Variants in CASZ1 observed in about 807,000 individuals in gnomAD.
CASZ1 encodes castor zinc finger 1.
A neutral mutation model predicts 135.2 loss-of-function variants in CASZ1; 28 were observed. That is an observed-to-expected ratio of 0.21 (90% CI 0.15 to 0.28). The LOEUF is 0.28. Ranked by LOEUF, CASZ1 falls within the 10% of genes least tolerant of loss-of-function variation. The pLI is 1.00. For synonymous variants in CASZ1, 1,068 were observed against 1,073.4 expected, an observed-to-expected ratio of 0.99 and a Z score of 0.10; for missense variants, 2,161 against 2,453.3, an observed-to-expected ratio of 0.88 and a Z score of 2.52.
intron 2 of CASZ1, among the ~76,000 whole-genome samples, chr1:10,750,073 C>A (rs991927769): frequency 2.0e-5 from 3 of 152,144 alleles, no homozygotes; most frequent in Non-Finnish European, 4.4e-5. Flanking sequence ...GCATGACGAA[C>A]TGGCAGGGGC....
At chr1:10,732,365 A>C (rs935649453) in intron 2 of CASZ1, among the ~76,000 whole-genome samples, 6 of 151,654 alleles carry the variant, frequency 4.0e-5, no homozygotes, top group African/African-American at 1.5e-4. Flanking sequence ...ATTCCACACA[A>C]ACCAAAACTT....
rs1220301224 is a variant in CASZ1 at position 10,762,198 on chromosome 1, G to A, written c.-233-1341C>T. Among the ~76,000 whole-genome samples, 1 of 150,958 alleles carries A rather than the reference G, an allele frequency of 6.6e-6. No homozygotes were observed. The highest frequency in any genetic ancestry group is 1.5e-5 in the Non-Finnish European group (1 of 67,652). The stretch of plus-strand genomic sequence containing the variant: ...ATCAGCTCTGCCCTACCTCGGCTGG[G>A]GCAATGCCACCGAGACCAGCTCCCT... On this transcript the variant is annotated intron_variant, in intron 1 of 20. Transcript: ENST00000377022. The surrounding 1 kb of genome is among the most constrained non-coding windows in gnomAD (Gnocchi z 4.1).
chr1:10,657,241 G>A lies in CASZ1; in HGVS notation c.1410-505C>T, dbSNP rs540138571. Among the ~76,000 whole-genome samples, 1 of 152,350 alleles carries A rather than the reference G, an allele frequency of 6.6e-6. No homozygotes were observed. Among genetic ancestry groups the A allele is most frequent in the East Asian group, 1.9e-4 (1 of 5,180 alleles). The stretch of plus-strand genomic sequence containing the variant: ...CATCTGTTTGGCTTCCTACAGCAAC[G>A]AGCTCACTCTCCAGCCGCCGCCGCC... On this transcript the variant is annotated intron_variant, in intron 7 of 20. Coordinates refer to ENST00000377022, the MANE Select transcript of CASZ1 (RefSeq NM_001079843.3). This position sits in a 1 kb window ranked among gnomAD's most constrained non-coding sequence, Gnocchi z 5.7.
intron 20 of CASZ1, among the ~76,000 whole-genome samples, chr1:10,641,383 C>T (rs924999971): frequency 2.0e-5 from 3 of 152,206 alleles, no homozygotes; most frequent in Admixed American, 6.5e-5. Flanking sequence ...TCAGGCAGCA[C>T]GTGAGGCAAG....
intron 11 of CASZ1, 51 bp from the exon 12 acceptor site, chr1:10,651,127 G>T (rs754699297): frequency 7.1e-7 from 1 of 1,413,270 alleles, no homozygotes; most frequent in Non-Finnish European, 9.2e-7. Context: ...GGCCTGGCCC[G>T]GGCACAGACA....
At position 10,676,309 on chromosome 1, in the gene CASZ1, C is replaced by T. The variant is rs2100340622; in HGVS notation, c.17-10738G>A. 6.6e-6 allele frequency among the ~76,000 whole-genome samples: 1 copy of T among 152,292 alleles called. No individual in the cohort carries two copies. The highest frequency in any genetic ancestry group is 6.5e-5 in the Admixed American group (1 of 15,304). ...AGCCCTGGGCTCCCGCTATTGTCGGCCACGTTGAGGGAGGGCCCCTGCCTG... is the reference window on the plus strand; with the variant it reads ...AGCCCTGGGCTCCCGCTATTGTCGGTCACGTTGAGGGAGGGCCCCTGCCTG... On this transcript the variant is annotated intron_variant, in intron 4 of 20. Coordinates refer to ENST00000377022, the MANE Select transcript of CASZ1 (RefSeq NM_001079843.3). This position sits in a 1 kb window ranked among gnomAD's most constrained non-coding sequence, Gnocchi z 4.5.
At chr1:10,754,406 A>C (rs1640207558) in intron 2 of CASZ1, among the ~76,000 whole-genome samples, 1 of 152,212 alleles carries the variant, frequency 6.6e-6, no homozygotes, top group Non-Finnish European at 1.5e-5. Flanking sequence ...ATGGAAATGG[A>C]AAATGAATAG....
intron 2 of CASZ1, among the ~76,000 whole-genome samples, chr1:10,742,796 C>A (rs1361858038): frequency 6.6e-6 from 1 of 151,968 alleles, no homozygotes; most frequent in Non-Finnish European, 1.5e-5. Context: ...CCAGCCCGGG[C>A]AACATGGTGG....
chr1:10,763,729 T>A (rs6540948), intron 1 of CASZ1, among the ~76,000 whole-genome samples: 85,233 of 152,082 alleles, frequency 0.56, 27,459 homozygotes, highest in Non-Finnish European at 0.75. Flanking sequence ...GTCTCCAGCA[T>A]CTAGCACAAC....
rs1266224131 is a variant in CASZ1, at chr1:10,719,516, G to C, written c.-76-13972C>G. Among the ~76,000 whole-genome samples, 1 of 152,194 alleles carries C rather than the reference G, an allele frequency of 6.6e-6. No homozygotes were observed. The highest frequency in any genetic ancestry group is 1.5e-5 in the Non-Finnish European group (1 of 68,032). Reference sequence around the variant, plus strand: ...GGAGAAGGGATCCCTAAGAAGCAGCGCTGTGGGGAAGGTGGCACCGAACAA... The same window carrying C: ...GGAGAAGGGATCCCTAAGAAGCAGCCCTGTGGGGAAGGTGGCACCGAACAA... On this transcript the variant is annotated intron_variant, in intron 2 of 20. Transcript: ENST00000377022. This position sits in a 1 kb window ranked among gnomAD's most constrained non-coding sequence, Gnocchi z 4.0.
At chr1:10,764,552 C>T (rs184453087) in intron 1 of CASZ1, among the ~76,000 whole-genome samples, 14 of 152,190 alleles carry the variant, frequency 9.2e-5, no homozygotes, top group East Asian at 7.7e-4. Flanking sequence ...TTAGGGAGGG[C>T]GGGCATGGAG....
chr1:10,682,927 T>C (rs140971862), intron 4 of CASZ1, among the ~76,000 whole-genome samples: 1 of 152,368 alleles, frequency 6.6e-6, no homozygotes, highest in East Asian at 1.9e-4. Context: ...CCCTGCTTCT[T>C]GTGCCTGGCT....
At position 10,741,688 on chromosome 1, in the gene CASZ1, G is replaced by A. The variant is rs1320692726; in HGVS notation, c.-77+19013C>T. 1.3e-5 allele frequency among the ~76,000 whole-genome samples: 2 copies of A among 151,856 alleles called. No individual in the cohort carries two copies. Among genetic ancestry groups the A allele is most frequent in the Non-Finnish European group, 2.9e-5 (2 of 68,010 alleles). ...ATTTCCCCATCAAACCAGTTTTATT[G>A]GATATAAATATCTAATTATTCCTAC... On this transcript the variant is annotated intron_variant, in intron 2 of 20. Coordinates refer to ENST00000377022, the MANE Select transcript of CASZ1 (RefSeq NM_001079843.3). This position sits in a 1 kb window ranked among gnomAD's most constrained non-coding sequence, Gnocchi z 5.0.
chr1:10,715,785 C>CA (rs1639373866), intron 2 of CASZ1, among the ~76,000 whole-genome samples: 7 of 121,090 alleles, frequency 5.8e-5, no homozygotes, highest in Admixed American at 8.1e-5. Flanking sequence ...ACCCAATCCA[C>CA]ACCCACAGCA....
chr1:10,750,067 G>A (rs1200149945), intron 2 of CASZ1, among the ~76,000 whole-genome samples: 3 of 152,166 alleles, frequency 2.0e-5, no homozygotes, highest in African/African-American at 4.8e-5. Flanking sequence ...GGCATTGCAT[G>A]ACGAACTGGC....
chr1:10,742,230 G>T (rs907656949), intron 2 of CASZ1, among the ~76,000 whole-genome samples: 11 of 152,224 alleles, frequency 7.2e-5, no homozygotes, highest in African/African-American at 2.4e-4. Context: ...AAAGAGCTGG[G>T]CAGAGGGGCA....
Position 10,642,845 on chromosome 1 carries a change from T to C in CASZ1, c.4162+14A>G. The C allele has an allele frequency of 6.2e-7, 1 of 1,610,662 alleles. No individual in the cohort carries two copies. On this transcript the variant is annotated intron_variant, in intron 20 of 20. Transcript: ENST00000377022. ...GGGGCCTGGCCCTGCCAGCAGCCCCTGCCTGCCGCTCACCTGCCGCGGTGC... is the reference window on the plus strand; with the variant it reads ...GGGGCCTGGCCCTGCCAGCAGCCCCCGCCTGCCGCTCACCTGCCGCGGTGC...
chr1:10,730,728 C>A (rs1639688505), intron 2 of CASZ1, among the ~76,000 whole-genome samples: 1 of 152,224 alleles, frequency 6.6e-6, no homozygotes, highest in Non-Finnish European at 1.5e-5. Context: ...AAACTTATAT[C>A]TGCCACTGCA....
At chr1:10,752,121 G>A (rs1640161553) in intron 2 of CASZ1, among the ~76,000 whole-genome samples, 1 of 152,216 alleles carries the variant, frequency 6.6e-6, no homozygotes, top group Non-Finnish European at 1.5e-5. Flanking sequence ...AGTTGGGGTG[G>A]GCATGGAGAG....
Sources: allele counts gnomAD v4.1 joint callset (sites outside exome capture counted in the v4.1 genomes callset), GRCh38; gene constraint gnomAD v4.1.1; non-coding constraint Gnocchi (gnomAD v3.1); transcripts MANE v1.5; gene names NCBI Gene and HGNC (gene_info 2026-07-23, HGNC 2026-07-21).